Variants in TPO observed in about 807,000 individuals in gnomAD.
TPO encodes the protein thyroid microsomal antigen.
TPO carries 78 observed loss-of-function variants against 96.9 expected under a neutral mutation model. That is an observed-to-expected ratio of 0.81 (90% CI 0.67 to 0.97). The LOEUF is 0.97. TPO is among the 50% of genes least tolerant of loss of function. TPO has a pLI of 0.00. For synonymous variants in TPO, 547 were observed against 538.0 expected (o/e 1.02, Z -0.23); for missense variants, 1,252 against 1,274.8 (o/e 0.98, Z 0.27).
intron 5 of TPO, among the ~76,000 whole-genome samples, chr2:1,440,195 C>T (rs969756402): frequency 6.6e-6 from 1 of 150,670 alleles, no homozygotes; most frequent in African/African-American, 2.5e-5. Flanking sequence ...TGCTGCATTT[C>T]CTGCATTCCA....
intron 15 of TPO, among the ~76,000 whole-genome samples, chr2:1,523,182 A>G (rs191362616): frequency 7.8e-6 from 1 of 128,432 alleles, no homozygotes. Context: ...CAACCTCCTC[A>G]AATCCCCCCA....
intron 6 of TPO, among the ~76,000 whole-genome samples, chr2:1,455,389 C>T (rs1395392741): frequency 6.6e-6 from 1 of 152,190 alleles, no homozygotes. Flanking sequence ...AAACCCCATC[C>T]CATGACGGCA....
chr2:1,421,447 A>T (rs1343190303), intron 2 of TPO, among the ~76,000 whole-genome samples: 1 of 152,098 alleles, frequency 6.6e-6, no homozygotes, highest in Non-Finnish European at 1.5e-5. Flanking sequence ...TCACTCGGAG[A>T]TTGATTTGTC....
chr2:1,461,712 G>A (rs753408943), intron 7 of TPO, among the ~76,000 whole-genome samples: 2 of 152,022 alleles, frequency 1.3e-5, no homozygotes, highest in African/African-American at 2.4e-5. Flanking sequence ...ATACACACAC[G>A]TGCACACAGG....
chr2:1,509,725 G>A (rs897855793), intron 14 of TPO, among the ~76,000 whole-genome samples: 1 of 137,696 alleles, frequency 7.3e-6, no homozygotes, highest in Non-Finnish European at 1.5e-5. Flanking sequence ...GTCAGGCACA[G>A]CCCACCCTCT....
intron 14 of TPO, among the ~76,000 whole-genome samples, chr2:1,504,323 A>G (rs1187264535): frequency 1.3e-5 from 2 of 152,140 alleles, no homozygotes; most frequent in African/African-American, 4.8e-5. Flanking sequence ...GGCAGCCAGA[A>G]TGCATTGCCA....
chr2:1,385,781 C>T (rs983132127), intron 1 of TPO, among the ~76,000 whole-genome samples: 3 of 151,976 alleles, frequency 2.0e-5, no homozygotes, highest in Non-Finnish European at 4.4e-5. Flanking sequence ...GCTCTTGCTT[C>T]TCTAGTTCTT....
intron 10 of TPO, among the ~76,000 whole-genome samples, chr2:1,491,050 A>G (rs1218621422): frequency 6.6e-6 from 1 of 152,090 alleles, no homozygotes; most frequent in African/African-American, 2.4e-5. Flanking sequence ...GACACCTGTA[A>G]TCCCAGCTAC....
intron 14 of TPO, among the ~76,000 whole-genome samples, chr2:1,507,396 A>G (rs919548026): frequency 2.8e-4 from 42 of 152,278 alleles, no homozygotes; most frequent in Admixed American, 1.1e-3. Flanking sequence ...TGAACTTTAA[A>G]GTAGTTTTTT....
chr2:1,469,625 G>A (rs935129693), intron 7 of TPO, among the ~76,000 whole-genome samples: 1 of 152,204 alleles, frequency 6.6e-6, no homozygotes, highest in Admixed American at 6.5e-5. Flanking sequence ...GGGACCCAGA[G>A]ATCCCACAGG....
chr2:1,465,169 T>G (rs1668784630), intron 7 of TPO, among the ~76,000 whole-genome samples: 1 of 152,198 alleles, frequency 6.6e-6, no homozygotes, highest in African/African-American at 2.4e-5. Context: ...CTTTGCCCAC[T>G]TTATGTTTTT....
intron 5 of TPO, among the ~76,000 whole-genome samples, chr2:1,448,719 A>T (rs980987459): frequency 6.6e-6 from 1 of 152,166 alleles, no homozygotes; most frequent in Non-Finnish European, 1.5e-5. Context: ...AGATTGATTG[A>T]CGTGGGAATA....
chr2:1,500,087 G>A (rs554507028), intron 13 of TPO, among the ~76,000 whole-genome samples: 103 of 152,256 alleles, frequency 6.8e-4, no homozygotes, highest in Admixed American at 6.2e-3. Context: ...CACTCAATAA[G>A]CATGTAAGCT....
chr2:1,496,657 G>A lies in TPO; in HGVS notation c.2278G>A (p.Gly760Arg). 12 of 1,614,042 alleles carry A rather than the reference G, an allele frequency of 7.4e-6. No homozygotes were observed. The highest frequency in any genetic ancestry group is 1.0e-5 in the Non-Finnish European group (12 of 1,180,026). Residue 760 changes from glycine to arginine, a missense_variant, in exon 13 of 17, where the codon GGG becomes AGG. By Grantham distance (125) the Gly-to-Arg change is moderately radical (BLOSUM62 -2). Coordinates refer to ENST00000329066, the MANE Select transcript of TPO (RefSeq NM_001206744.2). ...GGACTTTGTGCACTGTGAGGAGTCT[G>A]GGAGGCGCGTGCTGGTGTATTCCTG... ...NGDFVHCEES[G>R]RRVLVYSCRH...
At chr2:1,431,765 GTTA>G (rs1338971896) in intron 3 of TPO, among the ~76,000 whole-genome samples, 3 of 152,194 alleles carry the variant, frequency 2.0e-5, no homozygotes, top group Admixed American at 1.3e-4. Context: ...GTATTTTGGG[GTTA>G]TTATTAATAA....
chr2:1,503,811 T>C, intron 13 of TPO, 137 bp from the exon 14 acceptor site: 1 of 1,523,004 alleles, frequency 6.6e-7, no homozygotes, highest in Non-Finnish European at 9.0e-7. Flanking sequence ...GGGCGGCCGG[T>C]TCCCCCTAGA....
At chr2:1,498,841 TC>T (rs28912983) in intron 13 of TPO, among the ~76,000 whole-genome samples, 6,982 of 152,220 alleles carry the variant, frequency 0.046, 556 homozygotes, top group African/African-American at 0.16. Flanking sequence ...CGCAAGGTTT[TC>T]CTGTTCCCTT....
chr2:1,488,472 C>T (rs985629281), intron 10 of TPO, among the ~76,000 whole-genome samples: 7 of 152,180 alleles, frequency 4.6e-5, no homozygotes, highest in Non-Finnish European at 7.4e-5. Flanking sequence ...CAGCAGCCCC[C>T]TGTGCTCCCC....
chr2:1,400,231 G>A (rs1030672769), intron 1 of TPO, among the ~76,000 whole-genome samples: 6 of 152,128 alleles, frequency 3.9e-5, no homozygotes, highest in African/African-American at 9.7e-5. Context: ...GGTGGCTCAC[G>A]GCTGTAATCC....
Sources: gnomAD v4.1 joint callset for allele counts (sites outside exome capture counted in the v4.1 genomes callset) on GRCh38, gnomAD v4.1.1 for gene constraint, MANE v1.5 for transcripts, NCBI Gene and HGNC (gene_info 2026-07-23, HGNC 2026-07-21) for gene names.